The following FN1 variants were observed in gnomAD, a reference collection of about 807,000 sequenced individuals.
The protein encoded by FN1 is fibronectin.
A neutral mutation model predicts 297.3 loss-of-function variants in FN1; 106 were observed. The ratio of observed to expected loss-of-function variants is 0.36; its 90% CI spans 0.30 to 0.42. The LOEUF is 0.42. Ranked by LOEUF, FN1 falls within the 10% of genes least tolerant of loss-of-function variation. The pLI, the probability that FN1 is intolerant of heterozygous loss-of-function variation, is 1.00. For missense variants in FN1, 2,690 were observed against 3,124.9 expected (o/e 0.86, Z 3.32); for synonymous variants, 1,149 against 1,152.6 (o/e 1.00, Z 0.06).
intron 18 of FN1, among the ~76,000 whole-genome samples, chr2:215,406,922 G>T (rs181219624): frequency 8.5e-5 from 13 of 152,292 alleles, no homozygotes; most frequent in Non-Finnish European, 7.4e-5. Flanking sequence ...GTAGATGGAC[G>T]TTATGGTGTC....
chr2:215,397,071 G>T, intron 23 of FN1, 66 bp downstream of exon 23: 1 of 1,034,840 alleles, frequency 9.7e-7, no homozygotes, highest in Non-Finnish European at 1.5e-6. Context: ...AAGAAACACA[G>T]TTTCTAAAAT....
Position 215,379,127 on chromosome 2 carries a change from T to C in FN1, c.5622+3A>G. On this transcript the variant is annotated splice_donor_region_variant and intron_variant, in intron 34 of 45. Transcript: ENST00000354785. ...ATTCCAATGAACAACGGTCATGTCT[T>C]ACCATAAGTCCTGATACAACCACGG... The C allele has an allele frequency of 6.2e-7, 1 of 1,613,766 alleles. No individual in the cohort carries two copies.
chr2:215,416,456 A>G (rs555756015), intron 12 of FN1, among the ~76,000 whole-genome samples: 6 of 152,324 alleles, frequency 3.9e-5, no homozygotes, highest in African/African-American at 1.4e-4. Flanking sequence ...ACACATTTTT[A>G]AAGACAACTA....
chr2:215,384,370 A>G, intron 29 of FN1, 186 bp from the exon 30 acceptor site: 1 of 608,372 alleles, frequency 1.6e-6, no homozygotes, highest in Admixed American at 2.8e-5. Context: ...AAGTGTATAA[A>G]CATTGAGAGA....
In FN1 at chr2:215,406,386, C is replaced by T. The variant is rs2061777844; in HGVS notation, c.2838G>A (p.Leu946=). The change falls in exon 19 of 46, where the codon CTG becomes CTA. Residue 946 remains leucine (L), a synonymous_variant. Transcript: ENST00000354785. ...GYRVDVIPVN[L]PGEHGQRLPI... ...GCAGCCTCTGCCCGTGCTCGCCAGG[C>T]AGGTTGACGGGGATCACATCCACAC... 2 of 1,614,066 alleles carry T rather than the reference C, an allele frequency of 1.2e-6. No homozygotes were observed. The highest frequency in any genetic ancestry group is 8.5e-7 in the Non-Finnish European group (1 of 1,180,042).
chr2:215,397,886 T>C (rs1275104963), intron 21 of FN1, 38 bp from the exon 22 acceptor site: 12 of 1,595,894 alleles, frequency 7.5e-6, no homozygotes, highest in Non-Finnish European at 8.6e-6. Context: ...CAAGGACAAA[T>C]ATTTCCAGAG....
chr2:215,368,937 T>C (rs2055246300), intron 41 of FN1, among the ~76,000 whole-genome samples: 1 of 152,176 alleles, frequency 6.6e-6, no homozygotes, highest in South Asian at 2.1e-4. Context: ...TATTTTTCTT[T>C]TTACAGTGCA....
intron 33 of FN1, chr2:215,380,528 G>A: frequency 4.2e-6 from 2 of 471,922 alleles, no homozygotes; most frequent in Non-Finnish European, 7.7e-6. Context: ...CAGGGAGTCA[G>A]AGCTTAGGAA....
rs1352557765 is a variant in FN1 at position 215,435,894 on chromosome 2, A to C, written c.-92T>G. On this transcript the variant is annotated 5_prime_UTR_variant, in exon 1 of 46. Coordinates refer to ENST00000354785, the MANE Select transcript of FN1 (RefSeq NM_212482.4). ...CAACCTGCGGGAAAAATCCCTTCTA[A>C]TGCCTCCCGGGGGTTGTCGCCTCCA... 9 of 1,452,972 alleles carry C rather than the reference A, an allele frequency of 6.2e-6. No individual in the cohort carries two copies. Among genetic ancestry groups the C allele is most frequent in the South Asian group, 2.7e-5 (2 of 73,752 alleles). The allele number at this position is 1,452,972 out of a possible 1,614,324, so 90.0% of individuals were successfully genotyped here.
At chr2:215,407,997 A>G (rs1204393940) in intron 17 of FN1, 111 bp downstream of exon 17, 10 of 754,044 alleles carry the variant, frequency 1.3e-5, no homozygotes, top group South Asian at 8.2e-5. Flanking sequence ...TCTCCCATAA[A>G]TTATATTGGA....
Position 215,386,672 on chromosome 2 carries a change from C to T in FN1, c.4612+17G>A, listed in dbSNP as rs749640266. The T allele has an allele frequency of 2.5e-6, 4 of 1,595,108 alleles. No individual in the cohort carries two copies. Among genetic ancestry groups the T allele is most frequent in the Non-Finnish European group, 3.4e-6 (4 of 1,172,754 alleles). On this transcript the variant is annotated intron_variant, in intron 28 of 45. Coordinates refer to ENST00000354785, the MANE Select transcript of FN1 (RefSeq NM_212482.4). ...TAGGAAAGTCTTCTGAGTTTCTTTGCAGACAAGAAAAGTTACCTGTTGATT... is the reference window on the plus strand; with the variant it reads ...TAGGAAAGTCTTCTGAGTTTCTTTGTAGACAAGAAAAGTTACCTGTTGATT...
intron 9 of FN1, 137 bp downstream of exon 9, chr2:215,423,213 A>AC (rs2064753408): frequency 5.0e-5 from 32 of 639,000 alleles, no homozygotes; most frequent in African/African-American, 5.1e-5. Flanking sequence ...CACACACACA[A>AC]ACACACTTCA....
At chr2:215,381,225 CACTT>C in intron 32 of FN1, 145 bp from the exon 33 acceptor site, 1 of 771,208 alleles carries the variant, frequency 1.3e-6, no homozygotes, top group Non-Finnish European at 2.2e-6. Flanking sequence ...ATCACTTAAA[CACTT>C]GCTTAATTTT....
rs759590671 is a variant in FN1, at chr2:215,420,664, G to T, written c.1675+9C>A. 17 of 1,613,894 alleles carry T rather than the reference G, an allele frequency of 1.1e-5. No homozygotes were observed. The highest frequency in any genetic ancestry group is 1.4e-5 in the Non-Finnish European group (17 of 1,179,968). ...GTGCAAACTCATCTAGGGAAATAGG[G>T]CTACTCACCGACGGGATCACACTTC... On this transcript the variant is annotated intron_variant, in intron 11 of 45. Coordinates refer to ENST00000354785, the MANE Select transcript of FN1 (RefSeq NM_212482.4).
At chr2:215,408,859 C>T (rs761012598) in intron 15 of FN1, among the ~76,000 whole-genome samples, 23 of 152,150 alleles carry the variant, frequency 1.5e-4, no homozygotes, top group Non-Finnish European at 2.4e-4. Flanking sequence ...AGTTAGCCAC[C>T]GCACCCACCT....
rs2057065894 is a variant in FN1 at position 215,375,280 on chromosome 2, G to C, written c.6091C>G (p.Pro2031Ala). The C allele has an allele frequency of 6.2e-7, 1 of 1,614,028 alleles. No individual in the cohort carries two copies. Among genetic ancestry groups the C allele is most frequent in the African/African-American group, 1.3e-5 (1 of 74,930 alleles). ...ITGYIIKYEKPGSPPREVVPR... is the reference protein window; with the variant it reads ...ITGYIIKYEKAGSPPREVVPR... ...ACCACTTCTCTGGGAGGAGACCCAGGCTTCTCATACTTGATGATGTAGCCG... is the reference window on the plus strand; with the variant it reads ...ACCACTTCTCTGGGAGGAGACCCAGCCTTCTCATACTTGATGATGTAGCCG... Residue 2031 changes from proline (P) to alanine (A), a missense_variant, in exon 38 of 46, where the codon CCT becomes GCT. Around this residue, in one of 3 missense-constraint regions of FN1, gnomAD observed 1,743 missense variants for 1,945.2 expected, o/e 0.90. Coordinates refer to ENST00000354785, the MANE Select transcript of FN1 (RefSeq NM_212482.4).
chr2:215,378,736 A>T (rs1434538356), intron 34 of FN1, among the ~76,000 whole-genome samples: 1 of 152,176 alleles, frequency 6.6e-6, no homozygotes, highest in Admixed American at 6.5e-5. Context: ...AGGATTTTAA[A>T]ATGTTTTAAT....
At chr2:215,418,946 T>C (rs536383128) in intron 12 of FN1, among the ~76,000 whole-genome samples, 1 of 152,236 alleles carries the variant, frequency 6.6e-6, no homozygotes, top group South Asian at 2.1e-4. Context: ...TTTATTTCCA[T>C]GTATGGATAT....
chr2:215,391,438 G>A (rs780603529), intron 26 of FN1, among the ~76,000 whole-genome samples, 194 bp downstream of exon 26: 9 of 152,176 alleles, frequency 5.9e-5, no homozygotes, highest in Non-Finnish European at 1.2e-4. Context: ...TAAAGCTGTA[G>A]ATATCAAAAG....
Sources: gnomAD v4.1 joint callset for allele counts (sites outside exome capture counted in the v4.1 genomes callset) on GRCh38, gnomAD v4.1.1 for gene constraint, gnomAD v4.1.1 regional missense constraint, MANE v1.5 for transcripts, NCBI Gene and HGNC (gene_info 2026-07-23, HGNC 2026-07-21) for gene names.